RAB6B: variants seen among roughly 807,000 people sequenced by gnomAD.
The protein encoded by RAB6B is ras-related protein Rab-6B.
RAB6B carries 7 observed loss-of-function variants against 31.2 expected under a neutral mutation model. The ratio of observed to expected loss-of-function variants is 0.22; its 90% confidence interval spans 0.13 to 0.42. The LOEUF (loss-of-function observed/expected upper bound fraction) is 0.42. Among genes scored for constraint, RAB6B ranks in the 10% least tolerant of loss-of-function variants. RAB6B has a pLI of 1.00. For missense variants in RAB6B, 149 were observed against 280.6 expected (o/e 0.53, Z 3.35); for synonymous variants, 105 against 104.9 (o/e 1.00, Z -0.01).
chr3:133,890,503 G>C (rs2030821), intron 1 of RAB6B, among the ~76,000 whole-genome samples: 14,336 of 152,148 alleles, frequency 0.094, 751 homozygotes, highest in South Asian at 0.21. Context: ...TACTCGGGAG[G>C]CTGAGGCACA....
intron 1 of RAB6B, among the ~76,000 whole-genome samples, chr3:133,879,421 C>T (rs187854254): frequency 9.5e-4 from 145 of 152,302 alleles, no homozygotes; most frequent in Non-Finnish European, 1.3e-4. Context: ...TAGCTGGGCA[C>T]TGGAGAACTG....
At chr3:133,830,404 T>C (rs991685805) in intron 7 of RAB6B, among the ~76,000 whole-genome samples, 3 of 152,244 alleles carry the variant, frequency 2.0e-5, no homozygotes, top group East Asian at 1.9e-4. Context: ...CAAGCACCTG[T>C]TGACGCTAGC....
intron 2 of RAB6B, among the ~76,000 whole-genome samples, chr3:133,857,736 C>T (rs1477024549): frequency 6.6e-6 from 1 of 152,208 alleles, no homozygotes; most frequent in African/African-American, 2.4e-5. Flanking sequence ...TGATCATTAC[C>T]TCCCACTGGA....
At chr3:133,852,458 C>T (rs1108065) in intron 2 of RAB6B, among the ~76,000 whole-genome samples, 25,091 of 145,490 alleles carry the variant, frequency 0.17, 2,513 homozygotes, top group Middle Eastern at 0.28. Flanking sequence ...CAGAGAAACC[C>T]TGATTTTTTT....
At position 133,824,966 on chromosome 3, in the gene RAB6B, T is replaced by A. The variant is rs958044155; in HGVS notation, c.*3822A>T. On this transcript the variant is annotated 3_prime_UTR_variant, in exon 8 of 8. Coordinates refer to ENST00000285208, the MANE Select transcript of RAB6B (RefSeq NM_016577.4). ...AAGTTGCCCTTCTCCATCCTGGTTT[T>A]CCTGCCTGTAGACAGGAAAAGTTGT... 1.3e-5 allele frequency: 2 copies of A among 152,200 alleles called. No individual in the cohort carries two copies. Among genetic ancestry groups the A allele is most frequent in the East Asian group, 3.9e-4 (2 of 5,194 alleles). 9.4% of individuals were successfully genotyped at this position (152,200 alleles called of 1,614,324 possible). A position where few individuals can be genotyped will look rare whatever the true frequency, so the allele number is the denominator to read the frequency against.
chr3:133,883,451 G>C (rs1241037486), intron 1 of RAB6B, among the ~76,000 whole-genome samples: 2 of 152,148 alleles, frequency 1.3e-5, no homozygotes, highest in Non-Finnish European at 2.9e-5. Context: ...ACCCTGGGAT[G>C]GACAGCACCC....
chr3:133,852,283 G>C (rs887772346), intron 2 of RAB6B, among the ~76,000 whole-genome samples: 4 of 152,138 alleles, frequency 2.6e-5, no homozygotes, highest in African/African-American at 9.7e-5. Flanking sequence ...CTCCAGGATG[G>C]TTTTAGCAGC....
intron 3 of RAB6B, 75 bp from the exon 4 acceptor site, chr3:133,841,465 G>A: frequency 1.3e-6 from 2 of 1,560,790 alleles, no homozygotes; most frequent in South Asian, 1.1e-5. Flanking sequence ...GGGGGACTGG[G>A]AGAGCCGGGC....
chr3:133,865,192 G>A (rs1042367810), intron 1 of RAB6B, among the ~76,000 whole-genome samples: 5 of 152,160 alleles, frequency 3.3e-5, no homozygotes, highest in African/African-American at 4.8e-5. Flanking sequence ...GTATCTGACC[G>A]TCCAGCTCAT....
chr3:133,892,520 G>C (rs1409526471), intron 1 of RAB6B, among the ~76,000 whole-genome samples: 1 of 152,124 alleles, frequency 6.6e-6, no homozygotes, highest in Non-Finnish European at 1.5e-5. Context: ...CCACACCCTG[G>C]TCCATGCACG....
In RAB6B at chr3:133,895,776, G is replaced by A. The variant is rs1337880808; in HGVS notation, c.-310C>T. 2.8e-6 allele frequency: 1 copy of A among 361,668 alleles called. No homozygotes were observed. Among genetic ancestry groups the A allele is most frequent in the Non-Finnish European group, 4.9e-6 (1 of 202,992 alleles). The allele number at this position is 361,668 out of a possible 1,614,324, so 22.4% of individuals were successfully genotyped here. A position where few individuals can be genotyped will look rare whatever the true frequency, so the allele number is the denominator to read the frequency against. On this transcript the variant is annotated 5_prime_UTR_variant, in exon 1 of 8. Transcript: ENST00000285208. Reference sequence around the variant, plus strand: ...AGGCGCGGCGCTGGGAGAGAGGCGCGGGCGGAGCGGGGCGCAGGGACGGCG... The same window carrying A: ...AGGCGCGGCGCTGGGAGAGAGGCGCAGGCGGAGCGGGGCGCAGGGACGGCG...
At chr3:133,884,430 A>T (rs1936510189) in intron 1 of RAB6B, among the ~76,000 whole-genome samples, 1 of 152,232 alleles carries the variant, frequency 6.6e-6, no homozygotes, top group African/African-American at 2.4e-5. Flanking sequence ...TTGTGCAGCC[A>T]GCTTAAGATG....
chr3:133,832,016 C>T (rs1935661964), intron 7 of RAB6B, among the ~76,000 whole-genome samples: 1 of 152,178 alleles, frequency 6.6e-6, no homozygotes, highest in African/African-American at 2.4e-5. Flanking sequence ...GGATGTGGTT[C>T]CAGCTCTGAA....
intron 1 of RAB6B, among the ~76,000 whole-genome samples, chr3:133,889,391 TATATATATATATA>T (rs1559915391): frequency 0.081 from 2,740 of 33,950 alleles, 236 homozygotes; most frequent in East Asian, 0.15. Context: ...TATTTTGTTA[TATATATATATATA>T]TATATATATA....
chr3:133,895,232 C>A (rs1232401841), intron 1 of RAB6B, among the ~76,000 whole-genome samples, 165 bp downstream of exon 1: 2 of 152,128 alleles, frequency 1.3e-5, no homozygotes, highest in African/African-American at 2.4e-5. Flanking sequence ...CACCCTTGGC[C>A]CCTCCCCAGC....
intron 2 of RAB6B, among the ~76,000 whole-genome samples, chr3:133,844,755 T>C (rs375913806): frequency 1.0e-3 from 152 of 152,124 alleles, no homozygotes; most frequent in Non-Finnish European, 2.1e-4. Flanking sequence ...CTAGGTAACA[T>C]AGTGAGACTT....
At chr3:133,860,148 T>C (rs1173255717) in intron 2 of RAB6B, among the ~76,000 whole-genome samples, 1 of 152,032 alleles carries the variant, frequency 6.6e-6, no homozygotes, top group Admixed American at 6.6e-5. Flanking sequence ...TTGGAGAGAG[T>C]TGAAGGGTAT....
At chr3:133,854,984 A>C in intron 2 of RAB6B, among the ~76,000 whole-genome samples, 1 of 152,268 alleles carries the variant, frequency 6.6e-6, no homozygotes. Context: ...GAAAAGAAAT[A>C]ATGAAAAGGC....
At chr3:133,890,585 T>C (rs1936623700) in intron 1 of RAB6B, among the ~76,000 whole-genome samples, 1 of 152,140 alleles carries the variant, frequency 6.6e-6, no homozygotes, top group African/African-American at 2.4e-5. Flanking sequence ...GTAAAAAATC[T>C]GGCTTAAAAA....
Sources: gnomAD v4.1 joint callset for allele counts (sites outside exome capture counted in the v4.1 genomes callset) on GRCh38, gnomAD v4.1.1 for gene constraint, MANE v1.5 for transcripts, NCBI Gene and HGNC (gene_info 2026-07-23, HGNC 2026-07-21) for gene names.